GARRE1: variants seen among roughly 807,000 people sequenced by gnomAD.
GARRE1 encodes the protein granule associated Rac and RHOG effector protein 1.
GARRE1 carries 49 observed loss-of-function variants against 103.2 expected under a neutral mutation model. The ratio of observed to expected loss-of-function variants is 0.47; its 90% confidence interval spans 0.38 to 0.60. GARRE1 has a LOEUF of 0.60. GARRE1 is among the 20% of genes least tolerant of loss of function. The probability of loss-of-function intolerance (pLI) is 0.00; values close to 1 mark genes in which losing one functional copy is unlikely to be tolerated. For missense variants in GARRE1, 1,199 were observed against 1,370.5 expected, an observed-to-expected ratio of 0.87 and a Z score of 1.98; for synonymous variants, 505 against 532.8, an observed-to-expected ratio of 0.95 and a Z score of 0.72.
intron 1 of GARRE1, among the ~76,000 whole-genome samples, chr19:34,263,110 G>T (rs1450344129): frequency 6.6e-6 from 1 of 152,110 alleles, no homozygotes; most frequent in African/African-American, 2.4e-5. Context: ...CTGTCCAGGA[G>T]GCTGCAGCAG....
chr19:34,340,438 T>TGTTTCTTTTCTTTTC (rs2074180423), intron 9 of GARRE1, among the ~76,000 whole-genome samples: 1 of 145,270 alleles, frequency 6.9e-6, no homozygotes. Flanking sequence ...CCCCTCTCCC[T>TGTTTCTTTTCTTTTC]TTTTCTTTTC....
At chr19:34,256,600 C>A (rs533564428) in intron 1 of GARRE1, among the ~76,000 whole-genome samples, 1 of 151,098 alleles carries the variant, frequency 6.6e-6, no homozygotes, top group South Asian at 2.1e-4. Flanking sequence ...ACCTAAAATT[C>A]ATTCTTGGTT....
At chr19:34,296,425 A>T in intron 1 of GARRE1, 1 of 1,583,654 alleles carries the variant, frequency 6.3e-7, no homozygotes. Context: ...GCACGAGCAC[A>T]CTTCCCAAGC....
At chr19:34,331,648 C>G (rs982135690) in intron 7 of GARRE1, among the ~76,000 whole-genome samples, 2 of 151,934 alleles carry the variant, frequency 1.3e-5, no homozygotes, top group African/African-American at 4.8e-5. Context: ...CATCACTGAC[C>G]CATAGAATCT....
At chr19:34,255,645 T>G (rs2073667222) in intron 1 of GARRE1, among the ~76,000 whole-genome samples, 1 of 151,008 alleles carries the variant, frequency 6.6e-6, no homozygotes, top group Non-Finnish European at 1.5e-5. Flanking sequence ...GATAAACAAT[T>G]CTGCCGGAAG....
At chr19:34,305,536 C>T (rs2074003811) in intron 2 of GARRE1, among the ~76,000 whole-genome samples, 2 of 152,188 alleles carry the variant, frequency 1.3e-5, no homozygotes, top group South Asian at 4.1e-4. Context: ...CATTACTGAG[C>T]TCTTCTTCAG....
At chr19:34,298,849 C>T (rs10422771) in intron 1 of GARRE1, among the ~76,000 whole-genome samples, 15,361 of 152,110 alleles carry the variant, frequency 0.1, 1,278 homozygotes, top group African/African-American at 0.22. Flanking sequence ...CACAGTATTC[C>T]GCTGTTGTAG....
intron 10 of GARRE1, among the ~76,000 whole-genome samples, chr19:34,344,805 C>A (rs1323002028): frequency 2.7e-5 from 4 of 150,906 alleles, no homozygotes; most frequent in Admixed American, 1.3e-4. Context: ...TCCTGAGTAG[C>A]TGGGACTACA....
At chr19:34,264,388 G>A (rs1334265192) in intron 1 of GARRE1, among the ~76,000 whole-genome samples, 1 of 152,042 alleles carries the variant, frequency 6.6e-6, no homozygotes, top group African/African-American at 2.4e-5. Context: ...CGTGTCATGT[G>A]ATGACATGTC....
intron 1 of GARRE1, among the ~76,000 whole-genome samples, chr19:34,286,543 T>C (rs2073887823): frequency 6.8e-6 from 1 of 146,706 alleles, no homozygotes; most frequent in Non-Finnish European, 1.5e-5. Flanking sequence ...CTTTTTTTTT[T>C]TTTTTGAGAC....
At chr19:34,292,844 T>C (rs979668754) in intron 1 of GARRE1, among the ~76,000 whole-genome samples, 1 of 152,076 alleles carries the variant, frequency 6.6e-6, no homozygotes, top group African/African-American at 2.4e-5. Context: ...CATGCCATTC[T>C]CCTGCCTCAG....
chr19:34,290,249 AG>A (rs2145230488), intron 1 of GARRE1, among the ~76,000 whole-genome samples: 1 of 152,102 alleles, frequency 6.6e-6, no homozygotes, highest in Admixed American at 6.5e-5. Flanking sequence ...CCAGCTACTC[AG>A]GAGGCTGAGG....
chr19:34,353,158 C>A lies in GARRE1; in HGVS notation c.*203C>A. 1.8e-6 allele frequency: 1 copy of A among 542,776 alleles called. No homozygotes were observed. Among genetic ancestry groups the A allele is most frequent in the Non-Finnish European group, 3.2e-6 (1 of 310,792 alleles). The allele number at this position is 542,776 out of a possible 1,614,324, so 33.6% of individuals were successfully genotyped here. On this transcript the variant is annotated 3_prime_UTR_variant, in exon 14 of 14. Coordinates refer to ENST00000299505, the MANE Select transcript of GARRE1 (RefSeq NM_014686.5). Reference sequence around the variant, plus strand: ...CTTCTGAAACGATGGCATCAGAGCCCTGGAGAGCCAGCTGGAGACACAGGC... The same window carrying A: ...CTTCTGAAACGATGGCATCAGAGCCATGGAGAGCCAGCTGGAGACACAGGC...
intron 10 of GARRE1, among the ~76,000 whole-genome samples, chr19:34,344,665 G>T (rs1010647964): frequency 6.6e-6 from 1 of 151,628 alleles, no homozygotes. Flanking sequence ...TAATGCTGGG[G>T]TTAACACTCC....
In GARRE1 at chr19:34,300,750, G is replaced by A; in HGVS notation, c.277G>A (p.Ala93Thr). ...GGATGCCCTGAACGTCTTCTGCCGT[G>A]CCAGTACTTTCCTCACAGATCTCTT... ...YLDALNVFCR[A>T]STFLTDLFST... Residue 93 changes from alanine to threonine, a missense_variant, in exon 2 of 14, where the codon GCC becomes ACC. By Grantham distance (58) the Ala-to-Thr change is moderately conservative. Transcript: ENST00000299505. The A allele has an allele frequency of 6.2e-6, 10 of 1,614,204 alleles. No individual in the cohort carries two copies. Among genetic ancestry groups the A allele is most frequent in the Non-Finnish European group, 8.5e-6 (10 of 1,180,048 alleles).
At chr19:34,281,630 G>A (rs536616620) in intron 1 of GARRE1, among the ~76,000 whole-genome samples, 1 of 152,178 alleles carries the variant, frequency 6.6e-6, no homozygotes, top group East Asian at 1.9e-4. Context: ...TCACTGTGTT[G>A]CCCAGGCTGG....
intron 1 of GARRE1, among the ~76,000 whole-genome samples, chr19:34,270,432 C>T (rs765580411): frequency 2.6e-5 from 4 of 152,120 alleles, no homozygotes; most frequent in East Asian, 3.9e-4. Context: ...GGTGGAATGT[C>T]GTGGCCCTGT....
intron 1 of GARRE1, among the ~76,000 whole-genome samples, chr19:34,288,471 A>C (rs2145228845): frequency 6.6e-6 from 1 of 152,320 alleles, no homozygotes; most frequent in African/African-American, 2.4e-5. Context: ...GTGTGCAATC[A>C]GAATTGCTTT....
chr19:34,288,169 C>T (rs2073897614), intron 1 of GARRE1, among the ~76,000 whole-genome samples: 2 of 152,102 alleles, frequency 1.3e-5, no homozygotes, highest in African/African-American at 4.8e-5. Flanking sequence ...AAAAAGTCAT[C>T]TGGTGCTTCC....
Sources: gnomAD v4.1 joint callset for allele counts (sites outside exome capture counted in the v4.1 genomes callset) on GRCh38, gnomAD v4.1.1 for gene constraint, MANE v1.5 for transcripts, NCBI Gene and HGNC (gene_info 2026-07-23, HGNC 2026-07-21) for gene names.